The following GMNN variants were observed in gnomAD, a reference collection of about 807,000 sequenced individuals.
GMNN encodes the protein geminin.
In GMNN, 14 loss-of-function variants were observed where a neutral mutation model predicts 20.9. The ratio of observed to expected loss-of-function variants is 0.67; its 90% CI spans 0.44 to 1.05. The LOEUF is 1.05. GMNN is among the 50% of genes least tolerant of loss of function. GMNN has a pLI of 0.00. For synonymous variants in GMNN, 81 were observed against 85.8 expected (o/e 0.94, Z 0.31); for missense variants, 227 against 243.8 (o/e 0.93, Z 0.46).
At chr6:24,783,710 T>G (rs531370347) in intron 4 of GMNN, among the ~76,000 whole-genome samples, 1 of 152,104 alleles carries the variant, frequency 6.6e-6, no homozygotes, top group Non-Finnish European at 1.5e-5. Flanking sequence ...CTGCCAAAAA[T>G]GTTTAGTTTG....
rs201007411 is a variant in GMNN at position 24,784,549 on chromosome 6, A to G, written c.463A>G (p.Ile155Val). 27 of 1,297,710 alleles carry G rather than the reference A, an allele frequency of 2.1e-5. No homozygotes were observed. Among genetic ancestry groups the G allele is most frequent in the Middle Eastern group, 3.7e-4 (2 of 5,472 alleles). 80.4% of individuals were successfully genotyped at this position (1,297,710 alleles called of 1,614,324 possible). A position where few individuals can be genotyped will look rare whatever the true frequency, so the allele number is the denominator to read the frequency against. Residue 155 changes from isoleucine to valine, a missense_variant, in exon 6 of 7, where the codon ATA becomes GTA. Ile to Val is a conservative substitution (Grantham distance 29). Coordinates refer to ENST00000230056, the MANE Select transcript of GMNN (RefSeq NM_015895.5). ...ACATGTACAGTATATGGCAGAGCTA[A>G]TAGAGGTAGGTAATTTAATAGTTAT... ...AEHVQYMAEL[I>V]ERLNGEPLDN...
intron 2 of GMNN, among the ~76,000 whole-genome samples, chr6:24,778,629 C>A (rs557901383): frequency 6.7e-6 from 1 of 150,054 alleles, no homozygotes; most frequent in East Asian, 1.9e-4. Context: ...CAATATTTTT[C>A]TTGAATAAGA....
chr6:24,783,935 G>A, intron 4 of GMNN, 152 bp from the exon 5 acceptor site: 1 of 406,762 alleles, frequency 2.5e-6, no homozygotes, highest in Admixed American at 3.8e-5. Flanking sequence ...GGGGAAAATA[G>A]AATAATATTG....
At chr6:24,785,213 A>G (rs563453186) in intron 6 of GMNN, among the ~76,000 whole-genome samples, 2 of 152,280 alleles carry the variant, frequency 1.3e-5, no homozygotes, top group Admixed American at 1.3e-4. Context: ...TCAAAACTTC[A>G]TGTAACTGAA....
chr6:24,784,238 AT>A, intron 5 of GMNN, 69 bp downstream of exon 5: 1 of 862,546 alleles, frequency 1.2e-6, no homozygotes, highest in Admixed American at 1.9e-5. Flanking sequence ...AGCATATTTT[AT>A]TAGAGCAATA....
intron 2 of GMNN, 100 bp from the exon 3 acceptor site, chr6:24,780,563 T>C (rs1780184424): frequency 4.5e-6 from 3 of 663,486 alleles, no homozygotes; most frequent in Non-Finnish European, 5.4e-6. Flanking sequence ...CACCCCTAAA[T>C]TATAGAAGGA....
chr6:24,778,060 AGTTTT>A (rs1270313298), intron 2 of GMNN, among the ~76,000 whole-genome samples: 1 of 152,164 alleles, frequency 6.6e-6, no homozygotes, highest in Non-Finnish European at 1.5e-5. Context: ...GAGTTTGTTT[AGTTTT>A]GAGTTTATAC....
Position 24,781,621 on chromosome 6 carries a change from G to A in GMNN, c.274G>A (p.Glu92Lys). 3 of 1,388,688 alleles carry A rather than the reference G, an allele frequency of 2.2e-6. No homozygotes were observed. Among genetic ancestry groups the A allele is most frequent in the Non-Finnish European group, 1.9e-6 (2 of 1,033,110 alleles). 86.0% of individuals were successfully genotyped at this position (1,388,688 alleles called of 1,614,324 possible). A position where few individuals can be genotyped will look rare whatever the true frequency, so the allele number is the denominator to read the frequency against. Residue 92 changes from glutamate (E) to lysine (K), a missense_variant and splice_region_variant, in exon 4 of 7, where the codon GAA becomes AAA. By Grantham distance (56) the Glu-to-Lys change is moderately conservative. Coordinates refer to ENST00000230056, the MANE Select transcript of GMNN (RefSeq NM_015895.5). ...TQESFDLMIK[E>K]NPSSQYWKEV... is the part of the protein sequence containing the mutation. ...GGAGTCATTTGATCTTATGATTAAA[G>A]GTATGAAAAAATAGATAACTTTTGT...
chr6:24,776,001 G>C (rs572357496), intron 1 of GMNN, among the ~76,000 whole-genome samples: 2 of 152,282 alleles, frequency 1.3e-5, no homozygotes, highest in Non-Finnish European at 2.9e-5. Context: ...AGAACATTGC[G>C]TAGGGTCTGT....
chr6:24,783,358 T>A (rs1416681264), intron 4 of GMNN, among the ~76,000 whole-genome samples: 1 of 152,194 alleles, frequency 6.6e-6, no homozygotes, highest in Non-Finnish European at 1.5e-5. Context: ...AACTACTACT[T>A]GTAGAAGGAA....
rs373893383 is a variant in GMNN, at chr6:24,780,309, C to T, written c.52-354C>T. 8.1e-4 allele frequency among the ~76,000 whole-genome samples: 123 copies of T among 152,188 alleles called. 1 individual carries two copies. The highest frequency in any genetic ancestry group is 1.4e-3 in the African/African-American group (57 of 41,536). On this transcript the variant is annotated intron_variant, in intron 2 of 6. Coordinates refer to ENST00000230056, the MANE Select transcript of GMNN (RefSeq NM_015895.5). ...TCATTGGAGCTGAGGAATTTTGTTA[C>T]GTTTGTTTTAACTAGATATGATTAA...
rs1451194333 is a variant in GMNN, at chr6:24,781,388, A to T, written c.130-89A>T. On this transcript the variant is annotated intron_variant, in intron 3 of 6. Transcript: ENST00000230056. Reference sequence around the variant, plus strand: ...AGATGTGAAAAAGTTAGATATGCGTACTCTTTTTTTAATACATAAATGAAA... The same window carrying T: ...AGATGTGAAAAAGTTAGATATGCGTTCTCTTTTTTTAATACATAAATGAAA... The T allele has an allele frequency of 4.6e-5, 36 of 790,962 alleles. No individual in the cohort carries two copies. The East Asian group carries it at 9.6e-4, about 21-fold the overall frequency. The allele number at this position is 790,962 out of a possible 1,614,324, so 49.0% of individuals were successfully genotyped here.
At chr6:24,784,371 T>TA in intron 5 of GMNN, 73 bp from the exon 6 acceptor site, 1 of 762,010 alleles carries the variant, frequency 1.3e-6, no homozygotes, top group Non-Finnish European at 2.4e-6. Context: ...CCATGTTATA[T>TA]ACTTGGAGGT....
chr6:24,777,169 A>T (rs769169382), intron 1 of GMNN, 53 bp from the exon 2 acceptor site: 16 of 599,184 alleles, frequency 2.7e-5, no homozygotes, highest in Non-Finnish European at 3.6e-5. Flanking sequence ...TAAGTATTTT[A>T]AACCTAGACT....
chr6:24,784,275 G>A, intron 5 of GMNN, 106 bp downstream of exon 5: 1 of 727,190 alleles, frequency 1.4e-6, no homozygotes, highest in South Asian at 1.6e-5. Context: ...ATTGGCTTAA[G>A]AAAAGTTTAA....
chr6:24,784,216 G>A, intron 5 of GMNN, 47 bp downstream of exon 5: 1 of 978,624 alleles, frequency 1.0e-6, no homozygotes, highest in Non-Finnish European at 1.6e-6. Context: ...TTCCAGGATT[G>A]TTTTGCTGCT....
chr6:24,779,801 A>G (rs1426490413), intron 2 of GMNN, among the ~76,000 whole-genome samples: 4 of 152,264 alleles, frequency 2.6e-5, no homozygotes, highest in Non-Finnish European at 4.4e-5. Flanking sequence ...AGTTGTTTAC[A>G]TATTACAAGG....
chr6:24,776,603 T>TAGTGGGC (rs919804698), intron 1 of GMNN, among the ~76,000 whole-genome samples: 9 of 152,190 alleles, frequency 5.9e-5, no homozygotes, highest in East Asian at 1.9e-4. Context: ...GGCCAATGGG[T>TAGTGGGC]AGTGGGCAGT....
At chr6:24,784,616 GTAGTGTGATCACTTTGAAGTGT>G in intron 6 of GMNN, 62 bp downstream of exon 6, 1 of 738,174 alleles carries the variant, frequency 1.4e-6, no homozygotes, top group Non-Finnish European at 2.4e-6. Context: ...TTGAGGTAGT[GTAGTGTGATCACTTTGAAGTGT>G]TAGGGCTCTG....
Sources: allele counts gnomAD v4.1 joint callset (sites outside exome capture counted in the v4.1 genomes callset), GRCh38; gene constraint gnomAD v4.1.1; transcripts MANE v1.5; gene names NCBI Gene and HGNC (gene_info 2026-07-23, HGNC 2026-07-21).